Variants in GPC6 observed in about 807,000 individuals in gnomAD.
The protein encoded by GPC6 is glypican 6.
GPC6 carries 14 observed loss-of-function variants against 55.2 expected under a neutral mutation model. The observed-to-expected ratio is 0.25, with a 90% CI of 0.17 to 0.40. The LOEUF (loss-of-function observed/expected upper bound fraction) is 0.40. Among genes scored for constraint, GPC6 ranks in the 10% least tolerant of loss-of-function variants. The pLI, the probability that GPC6 is intolerant of heterozygous loss-of-function variation, is 1.00. For missense variants in GPC6, 641 were observed against 708.5 expected (o/e 0.90, Z 1.08); for synonymous variants, 278 against 259.6 (o/e 1.07, Z -0.68).
At chr13:93,547,939 A>G (rs913050411) in intron 2 of GPC6, among the ~76,000 whole-genome samples, 1 of 152,142 alleles carries the variant, frequency 6.6e-6, no homozygotes, top group African/African-American at 2.4e-5. Context: ...GTCACCTTCC[A>G]TGAGTGATTG....
intron 4 of GPC6, among the ~76,000 whole-genome samples, chr13:94,115,049 T>G (rs1369067468): frequency 6.6e-6 from 1 of 152,116 alleles, no homozygotes; most frequent in Non-Finnish European, 1.5e-5. Context: ...AGCCAACTAG[T>G]TTAAACTCAA....
Position 94,305,450 on chromosome 13 carries a change from T to A in GPC6, c.1009-530T>A, listed in dbSNP as rs1003979181. On this transcript the variant is annotated intron_variant, in intron 5 of 8. Transcript: ENST00000377047. ...TTACACATCTTGTGGTTAGGAAAGC[T>A]TGACAGTACTTCAGCCCGATGCTTG... Among the ~76,000 whole-genome samples, 4 of 152,230 alleles carry A rather than the reference T, an allele frequency of 2.6e-5. No homozygotes were observed. The South Asian group carries it at 8.3e-4, about 32-fold the overall frequency.
At chr13:94,341,921 G>A (rs1390741540) in intron 6 of GPC6, among the ~76,000 whole-genome samples, 1 of 152,190 alleles carries the variant, frequency 6.6e-6, no homozygotes, top group African/African-American at 2.4e-5. Flanking sequence ...TGTAATGTAG[G>A]AAATATCTGG....
At chr13:94,129,806 C>G (rs1886946379) in intron 4 of GPC6, among the ~76,000 whole-genome samples, 1 of 151,906 alleles carries the variant, frequency 6.6e-6, no homozygotes, top group Admixed American at 6.6e-5. Flanking sequence ...CACTATGAAA[C>G]TGAAAGATTC....
intron 6 of GPC6, among the ~76,000 whole-genome samples, chr13:94,330,536 T>C (rs1877355874): frequency 6.6e-6 from 1 of 152,150 alleles, no homozygotes; most frequent in Non-Finnish European, 1.5e-5. Context: ...TCCTTGTTTA[T>C]CAAAATGTGA....
chr13:94,070,052 G>A (rs184524122), intron 4 of GPC6, among the ~76,000 whole-genome samples: 1 of 152,284 alleles, frequency 6.6e-6, no homozygotes, highest in Admixed American at 6.5e-5. Flanking sequence ...ACATATCCGA[G>A]ACTGGGCAAT....
At chr13:94,083,375 C>T (rs1039850161) in intron 4 of GPC6, among the ~76,000 whole-genome samples, 9 of 152,198 alleles carry the variant, frequency 5.9e-5, no homozygotes, top group Non-Finnish European at 1.2e-4. Flanking sequence ...ACCTTGGCCT[C>T]CCAAAGTGCT....
intron 2 of GPC6, among the ~76,000 whole-genome samples, chr13:93,736,448 T>C (rs148808694): frequency 6.6e-6 from 1 of 152,208 alleles, no homozygotes; most frequent in African/African-American, 2.4e-5. Flanking sequence ...ATGCCACTTC[T>C]CTTTAATGAT....
intron 1 of GPC6, among the ~76,000 whole-genome samples, chr13:93,258,213 T>TA (rs1883791694): frequency 6.6e-6 from 1 of 152,156 alleles, no homozygotes; most frequent in South Asian, 2.1e-4. Flanking sequence ...AAGGTGTGGG[T>TA]ACATGACCTA....
At chr13:93,217,409 AT>A in the GPC6 span, among the ~76,000 whole-genome samples, 1 of 152,188 alleles carries the variant, frequency 6.6e-6, no homozygotes, top group African/African-American at 2.4e-5. Flanking sequence ...AGTCTAAAGT[AT>A]TTTTTATGTG....
chr13:93,624,644 T>C (rs1262221868), intron 2 of GPC6, among the ~76,000 whole-genome samples: 2 of 152,164 alleles, frequency 1.3e-5, no homozygotes, highest in African/African-American at 2.4e-5. Flanking sequence ...GTCACACTCA[T>C]GTAAAAAATA....
intron 3 of GPC6, among the ~76,000 whole-genome samples, chr13:93,920,784 G>C (rs1432813291): frequency 6.6e-6 from 1 of 152,104 alleles, no homozygotes; most frequent in African/African-American, 2.4e-5. Context: ...ATTCTGTCCA[G>C]GGCTACCTAT....
intron 1 of GPC6, among the ~76,000 whole-genome samples, chr13:93,271,712 G>A (rs1447830125): frequency 6.6e-6 from 1 of 152,144 alleles, no homozygotes; most frequent in Non-Finnish European, 1.5e-5. Flanking sequence ...AGATACAGAA[G>A]TGAATTTTGC....
chr13:93,363,344 C>G (rs1210646924), intron 1 of GPC6, among the ~76,000 whole-genome samples: 1 of 142,806 alleles, frequency 7.0e-6, no homozygotes, highest in Non-Finnish European at 1.5e-5. Flanking sequence ...TCCATGTGTT[C>G]TCATTGTTCA....
chr13:94,342,566 C>T (rs922678547), intron 6 of GPC6, among the ~76,000 whole-genome samples: 1 of 152,210 alleles, frequency 6.6e-6, no homozygotes, highest in Non-Finnish European at 1.5e-5. Context: ...TACCTTCAGA[C>T]TCCGGGCATC....
intron 4 of GPC6, among the ~76,000 whole-genome samples, chr13:94,190,867 A>C (rs1363675743): frequency 6.6e-6 from 1 of 152,150 alleles, no homozygotes; most frequent in Non-Finnish European, 1.5e-5. Context: ...CTCAAATATT[A>C]TTCTTCAGTA....
intron 2 of GPC6, among the ~76,000 whole-genome samples, chr13:93,640,637 G>A (rs187279079): frequency 9.9e-5 from 15 of 152,018 alleles, no homozygotes; most frequent in African/African-American, 3.4e-4. Context: ...AGAAAAGATA[G>A]AATAAAAGCA....
chr13:94,220,424 A>G (rs1890348742), intron 4 of GPC6, among the ~76,000 whole-genome samples: 4 of 152,124 alleles, frequency 2.6e-5, no homozygotes, highest in African/African-American at 9.7e-5. Context: ...GAGGTTCAGG[A>G]TGGAAATTAC....
intron 4 of GPC6, among the ~76,000 whole-genome samples, chr13:94,085,579 C>G (rs1885254771): frequency 6.6e-6 from 1 of 152,104 alleles, no homozygotes; most frequent in Non-Finnish European, 1.5e-5. Flanking sequence ...TAGTATCTTG[C>G]ATTTTTATGA....
Sources: allele counts gnomAD v4.1 joint callset (sites outside exome capture counted in the v4.1 genomes callset), GRCh38; gene constraint gnomAD v4.1.1; transcripts MANE v1.5; gene names NCBI Gene and HGNC (gene_info 2026-07-23, HGNC 2026-07-21).